Variants in BBX observed in about 807,000 individuals in gnomAD.
BBX encodes BBX high mobility group box domain containing, also known as HMG box transcription factor BBX.
BBX carries 30 observed loss-of-function variants against 100.2 expected under a neutral mutation model. The observed-to-expected ratio is 0.30, with a 90% CI of 0.22 to 0.41. The LOEUF (loss-of-function observed/expected upper bound fraction) is 0.41, where lower values mean the gene tolerates loss of function less well. BBX is among the 10% of genes least tolerant of loss of function. The probability of loss-of-function intolerance (pLI) is 1.00; values close to 1 mark genes in which losing one functional copy is unlikely to be tolerated. For missense variants in BBX, 1,023 were observed against 1,129.8 expected (o/e 0.91, Z 1.35); for synonymous variants, 376 against 388.1 (o/e 0.97, Z 0.37).
intron 2 of BBX, among the ~76,000 whole-genome samples, chr3:107,588,939 A>T (rs1167872154): frequency 6.6e-6 from 1 of 152,180 alleles, no homozygotes; most frequent in Non-Finnish European, 1.5e-5. Context: ...AATATAAGAA[A>T]TTAAATCTCC....
Position 107,562,336 on chromosome 3 carries a change from A to G in BBX, c.-84+35938A>G, listed in dbSNP as rs190536206. Among the ~76,000 whole-genome samples, 19 of 152,322 alleles carry G rather than the reference A, an allele frequency of 1.2e-4. No homozygotes were observed. In the East Asian group the frequency reaches 3.5e-3, roughly 28 times the overall value. ...TTACTCAAATGTTCATGCCTTGAAC[A>G]TGTGTTTTATAGAGGGCAGATGTAG... On this transcript the variant is annotated intron_variant, in intron 2 of 17. Coordinates refer to ENST00000325805, the MANE Select transcript of BBX (RefSeq NM_001142568.3).
At chr3:107,633,149 A>G (rs1057394853) in intron 2 of BBX, among the ~76,000 whole-genome samples, 10 of 152,206 alleles carry the variant, frequency 6.6e-5, no homozygotes, top group African/African-American at 2.4e-4. Context: ...AGTTACTATA[A>G]TAATTTTTAA....
chr3:107,600,872 T>C (rs954272075), intron 2 of BBX, among the ~76,000 whole-genome samples: 1 of 152,122 alleles, frequency 6.6e-6, no homozygotes, highest in African/African-American at 2.4e-5. Flanking sequence ...TGTACCTTGC[T>C]TTACTGTGCT....
intron 2 of BBX, among the ~76,000 whole-genome samples, chr3:107,537,298 A>C (rs1300122669): frequency 6.6e-6 from 1 of 152,246 alleles, no homozygotes; most frequent in Non-Finnish European, 1.5e-5. Flanking sequence ...CATATCTGAA[A>C]GAGCATTCTA....
chr3:107,586,360 G>A (rs2052837575), intron 2 of BBX, among the ~76,000 whole-genome samples: 1 of 152,136 alleles, frequency 6.6e-6, no homozygotes, highest in Non-Finnish European at 1.5e-5. Context: ...CATTTCTTGA[G>A]AGATATTCGT....
rs2057888539 is a variant in BBX, at chr3:107,652,365, A to G, written c.-10+6456A>G. On this transcript the variant is annotated intron_variant, in intron 3 of 17. Coordinates refer to ENST00000325805, the MANE Select transcript of BBX (RefSeq NM_001142568.3). ...TTTATGTAAAAATAATTTTAAATTCATTTGTAAAATTTACCAGTTTTTCTG... is the reference window on the plus strand; with the variant it reads ...TTTATGTAAAAATAATTTTAAATTCGTTTGTAAAATTTACCAGTTTTTCTG... 2.8e-5 allele frequency among the ~76,000 whole-genome samples: 4 copies of G among 144,604 alleles called. 1 individual carries two copies. The South Asian group carries it at 8.5e-4, about 31-fold the overall frequency. The allele number at this position is 144,604 out of a possible 152,430, so 94.9% of individuals were successfully genotyped here. A position where few individuals can be genotyped will look rare whatever the true frequency, so the allele number is the denominator to read the frequency against.
intron 3 of BBX, among the ~76,000 whole-genome samples, chr3:107,656,761 G>A (rs1443267671): frequency 6.6e-6 from 1 of 152,118 alleles, no homozygotes; most frequent in Non-Finnish European, 1.5e-5. Context: ...CATGTGCAAG[G>A]CAGTGCGTTA....
At chr3:107,778,812 A>G (rs2067549313) in intron 13 of BBX, among the ~76,000 whole-genome samples, 1 of 151,652 alleles carries the variant, frequency 6.6e-6, no homozygotes, top group Admixed American at 6.6e-5. Context: ...TCTAATTTGG[A>G]ATGTTAACCT....
At chr3:107,623,711 G>A (rs1038813225) in intron 2 of BBX, among the ~76,000 whole-genome samples, 22 of 152,216 alleles carry the variant, frequency 1.4e-4, no homozygotes, top group African/African-American at 5.3e-4. Context: ...AAGGGGTCAT[G>A]AAAGTGAAGA....
intron 5 of BBX, among the ~76,000 whole-genome samples, chr3:107,723,430 C>CT (rs1317013432): frequency 1.3e-5 from 2 of 151,504 alleles, no homozygotes; most frequent in African/African-American, 4.8e-5. Context: ...TTTTATTATA[C>CT]TTTAAGTTCT....
intron 2 of BBX, among the ~76,000 whole-genome samples, chr3:107,554,111 G>A (rs2049904303): frequency 6.6e-6 from 1 of 152,212 alleles, no homozygotes. Context: ...TACGCGTGTA[G>A]AGAAGGTAAA....
chr3:107,533,606 T>C (rs1425863856), intron 2 of BBX, among the ~76,000 whole-genome samples: 3 of 152,212 alleles, frequency 2.0e-5, no homozygotes, highest in Non-Finnish European at 4.4e-5. Context: ...TTAGTTCACA[T>C]TTCACTGAAC....
chr3:107,545,968 T>G (rs1015088484), intron 2 of BBX, among the ~76,000 whole-genome samples: 9 of 152,220 alleles, frequency 5.9e-5, no homozygotes, highest in Non-Finnish European at 1.0e-4. Flanking sequence ...TGCTGGTTTG[T>G]AAAAAGTAGA....
intron 8 of BBX, among the ~76,000 whole-genome samples, chr3:107,747,016 G>C (rs968892793): frequency 6.6e-6 from 1 of 152,080 alleles, no homozygotes; most frequent in Non-Finnish European, 1.5e-5. Flanking sequence ...CTTTTACCCT[G>C]TATTATAGCT....
At chr3:107,561,119 G>T (rs560053430) in intron 2 of BBX, among the ~76,000 whole-genome samples, 3 of 152,186 alleles carry the variant, frequency 2.0e-5, no homozygotes, top group Non-Finnish European at 4.4e-5. Context: ...ATCACTGGTT[G>T]AGAACCAGCA....
At chr3:107,765,457 A>ATG (rs371357877) in intron 10 of BBX, among the ~76,000 whole-genome samples, 131 of 143,838 alleles carry the variant, frequency 9.1e-4, no homozygotes, top group Middle Eastern at 7.2e-3. Context: ...GTGGGTGTGT[A>ATG]TGTGTGTGTG....
intron 2 of BBX, among the ~76,000 whole-genome samples, chr3:107,551,914 T>C (rs955887155): frequency 5.9e-5 from 9 of 152,214 alleles, no homozygotes; most frequent in African/African-American, 2.2e-4. Context: ...TGTAAGAGGC[T>C]GAAGAAAGCC....
chr3:107,591,265 TAAG>T lies in BBX; in HGVS notation c.-83-54570_-83-54568del, dbSNP rs559883215. 3.0e-4 allele frequency among the ~76,000 whole-genome samples: 46 copies of T among 152,330 alleles called. 1 individual carries two copies. The South Asian group carries it at 9.5e-3, about 32-fold the overall frequency. ...ATCTGAAGAAAAAAGCAAACTTAGA[TAAG>T]TTTTCCAATAAGCTCCTTAACATTC... On this transcript the variant is annotated intron_variant, in intron 2 of 17. Transcript: ENST00000325805.
At chr3:107,742,381 G>C (rs919937317) in intron 7 of BBX, among the ~76,000 whole-genome samples, 1 of 151,290 alleles carries the variant, frequency 6.6e-6, no homozygotes. Context: ...GTGGACTAGA[G>C]GGTCAGCTAA....
Sources: gnomAD v4.1 joint callset for allele counts (sites outside exome capture counted in the v4.1 genomes callset) on GRCh38, gnomAD v4.1.1 for gene constraint, MANE v1.5 for transcripts, NCBI Gene and HGNC (gene_info 2026-07-23, HGNC 2026-07-21) for gene names.